The following NEBL variants were observed in gnomAD, a reference collection of about 807,000 sequenced individuals.
NEBL encodes the protein LIM and SH3 protein 2.
A neutral mutation model predicts 140.2 loss-of-function variants in NEBL; 122 were observed. That is an observed-to-expected ratio of 0.87 (90% CI 0.75 to 1.01). The LOEUF is 1.01. NEBL is among the 50% of genes least tolerant of loss of function. NEBL has a pLI of 0.00. For missense variants in NEBL, 1,365 were observed against 1,231.3 expected (o/e 1.11, Z -1.62); for synonymous variants, 436 against 398.9 (o/e 1.09, Z -1.11).
At chr10:21,171,009 C>T (rs1156805060) in intron 2 of NEBL, among the ~76,000 whole-genome samples, 1 of 152,146 alleles carries the variant, frequency 6.6e-6, no homozygotes, top group Non-Finnish European at 1.5e-5. Flanking sequence ...TGCCTCCAGA[C>T]TATGCCAACC....
intron 16 of NEBL, 82 bp downstream of exon 16, chr10:20,831,114 A>T: frequency 4.0e-6 from 4 of 1,008,920 alleles, no homozygotes; most frequent in Non-Finnish European, 6.3e-6. Flanking sequence ...CCTCAGAAAG[A>T]TATCATTCAT....
chr10:21,144,741 G>C (rs1406621511), intron 2 of NEBL, among the ~76,000 whole-genome samples: 1 of 151,500 alleles, frequency 6.6e-6, no homozygotes, highest in South Asian at 2.1e-4. Context: ...AATGAAAAAA[G>C]AAAAAAAGGC....
chr10:21,248,992 T>C, intron 2 of NEBL, among the ~76,000 whole-genome samples: 1 of 149,394 alleles, frequency 6.7e-6, no homozygotes, highest in East Asian at 1.9e-4. Flanking sequence ...AATATCTATT[T>C]AAGTCCTTTG....
At chr10:20,963,288 G>A (rs1836144485) in intron 3 of NEBL, among the ~76,000 whole-genome samples, 1 of 152,050 alleles carries the variant, frequency 6.6e-6, no homozygotes, top group South Asian at 2.1e-4. Context: ...AACTAAGCAG[G>A]CAAGCTATTT....
At chr10:21,131,866 G>T (rs752639975) in intron 2 of NEBL, among the ~76,000 whole-genome samples, 23 of 152,156 alleles carry the variant, frequency 1.5e-4, no homozygotes, top group Admixed American at 9.2e-4. Context: ...ATTGGTAAAA[G>T]TTTCCTGCTG....
intron 16 of NEBL, among the ~76,000 whole-genome samples, chr10:20,829,088 C>T (rs1840156467): frequency 6.6e-6 from 1 of 151,978 alleles, no homozygotes; most frequent in African/African-American, 2.4e-5. Flanking sequence ...CAAGCAGATA[C>T]TATTATTATT....
chr10:20,827,238 G>T (rs1839964285), intron 17 of NEBL, among the ~76,000 whole-genome samples: 1 of 152,172 alleles, frequency 6.6e-6, no homozygotes, highest in Non-Finnish European at 1.5e-5. Flanking sequence ...TAATCCAGTG[G>T]CCCCCGCGTG....
chr10:21,270,248 A>G (rs1026245585), intron 1 of NEBL, among the ~76,000 whole-genome samples: 2 of 152,164 alleles, frequency 1.3e-5, no homozygotes, highest in African/African-American at 4.8e-5. Flanking sequence ...ATTATCGTAA[A>G]CCACAGAAGT....
At chr10:21,153,079 C>T (rs895182362) in intron 2 of NEBL, among the ~76,000 whole-genome samples, 1 of 152,160 alleles carries the variant, frequency 6.6e-6, no homozygotes, top group African/African-American at 2.4e-5. Context: ...CACAAATGTG[C>T]AATGACCGTG....
intron 3 of NEBL, among the ~76,000 whole-genome samples, chr10:21,016,590 G>A (rs1838566243): frequency 6.6e-6 from 1 of 152,152 alleles, no homozygotes; most frequent in African/African-American, 2.4e-5. Context: ...TGAAAGAAGA[G>A]AACTGGTTTT....
At chr10:20,932,241 A>T (rs1486045696) in intron 4 of NEBL, among the ~76,000 whole-genome samples, 1 of 152,216 alleles carries the variant, frequency 6.6e-6, no homozygotes, top group Admixed American at 6.5e-5. Flanking sequence ...ATGCAGCCTT[A>T]AAAAAGAATG....
At chr10:21,279,549 T>C (rs1446506062) in intron 1 of NEBL, among the ~76,000 whole-genome samples, 1 of 151,778 alleles carries the variant, frequency 6.6e-6, no homozygotes, top group African/African-American at 2.4e-5. Context: ...GGCGGATCAC[T>C]GGAGGTCATG....
intron 3 of NEBL, among the ~76,000 whole-genome samples, chr10:21,184,273 C>T (rs1480761838): frequency 3.9e-5 from 6 of 152,176 alleles, no homozygotes; most frequent in African/African-American, 7.2e-5. Context: ...GATAATGCAA[C>T]AAAAATGTCC....
At chr10:20,997,459 G>A (rs1333154358) in intron 3 of NEBL, among the ~76,000 whole-genome samples, 4 of 66,866 alleles carry the variant, frequency 6.0e-5, no homozygotes, top group African/African-American at 2.0e-4. Context: ...CCAAATAAAC[G>A]CACAGTCTCA....
intron 4 of NEBL, among the ~76,000 whole-genome samples, chr10:20,911,357 A>T (rs1267769173): frequency 1.3e-5 from 2 of 152,192 alleles, no homozygotes; most frequent in Non-Finnish European, 2.9e-5. Context: ...ACCTGTTGTG[A>T]GCATTCAACA....
chr10:20,895,276 T>A (rs1847378914), intron 2 of NEBL, among the ~76,000 whole-genome samples: 2 of 152,076 alleles, frequency 1.3e-5, no homozygotes, highest in South Asian at 4.2e-4. Context: ...CTGGAAGAGG[T>A]TAGGAACTCA....
chr10:20,942,505 A>T (rs573296281), intron 4 of NEBL, among the ~76,000 whole-genome samples: 11 of 152,354 alleles, frequency 7.2e-5, no homozygotes, highest in East Asian at 5.8e-4. Flanking sequence ...AACCTAGGGA[A>T]TACCATTCAG....
chr10:21,277,473 G>A (rs766566674), intron 1 of NEBL, among the ~76,000 whole-genome samples: 1 of 152,110 alleles, frequency 6.6e-6, no homozygotes, highest in African/African-American at 2.4e-5. Context: ...GCCTCTCAAA[G>A]TGCTGGGATT....
intron 3 of NEBL, among the ~76,000 whole-genome samples, chr10:21,014,605 A>T (rs986768836): frequency 3.3e-5 from 5 of 152,206 alleles, no homozygotes; most frequent in Non-Finnish European, 2.9e-5. Context: ...CTCCCCCCTG[A>T]GAAAGGTTCT....
Sources: allele counts gnomAD v4.1 joint callset (sites outside exome capture counted in the v4.1 genomes callset), GRCh38; gene constraint gnomAD v4.1.1; transcripts MANE v1.5; gene names NCBI Gene and HGNC (gene_info 2026-07-23, HGNC 2026-07-21).